Variants in ABCC4 observed in about 807,000 individuals in gnomAD.
ABCC4 encodes the protein ATP-binding cassette sub-family C member 4.
A neutral mutation model predicts 168.5 loss-of-function variants in ABCC4; 102 were observed. The observed-to-expected ratio is 0.61, with a 90% CI of 0.52 to 0.71. The LOEUF (loss-of-function observed/expected upper bound fraction) is 0.71. Ranked by LOEUF, ABCC4 falls within the 30% of genes least tolerant of loss-of-function variation. ABCC4 has a pLI of 0.00. For synonymous variants in ABCC4, 617 were observed against 590.7 expected (o/e 1.04, Z -0.65); for missense variants, 1,402 against 1,605.8 (o/e 0.87, Z 2.17).
intron 3 of ABCC4, 122 bp from the exon 4 acceptor site, chr13:95,234,956 TC>T: frequency 1.4e-6 from 1 of 730,910 alleles, no homozygotes; most frequent in Non-Finnish European, 2.2e-6. Context: ...AGTGGCACAA[TC>T]CCAGCTCACA....
At position 95,021,685 on chromosome 13, in the gene ABCC4, A is replaced by G. The variant is rs9524765; in HGVS notation, c.3871-3T>C. 1,500,791 of 1,533,306 alleles carry G rather than the reference A, an allele frequency of 0.98. 735,693 individuals are homozygous for G. Among genetic ancestry groups the G allele is most frequent in the Non-Finnish European group, 0.99 (1,113,265 of 1,123,866 alleles). 95.0% of individuals were successfully genotyped at this position (1,533,306 alleles called of 1,614,324 possible). On this transcript the variant is annotated splice_polypyrimidine_tract_variant and splice_region_variant and intron_variant, in intron 30 of 30. Coordinates refer to ENST00000645237, the MANE Select transcript of ABCC4 (RefSeq NM_005845.5). ...GGATAATTTCTTTTGAAGTATACCT[A>G]GAAAAAAAAAAGGTAAGCATAAAAA... is the stretch of plus-strand genomic sequence containing the variant.
intron 9 of ABCC4, among the ~76,000 whole-genome samples, chr13:95,191,879 C>T (rs1220380186): frequency 6.6e-6 from 1 of 152,206 alleles, no homozygotes. Flanking sequence ...GTTCTTAGAG[C>T]AGGTTTCTGC....
chr13:95,097,895 AGAGGCTGAGGTGG>A (rs2139365726), intron 20 of ABCC4, among the ~76,000 whole-genome samples: 1 of 152,110 alleles, frequency 6.6e-6, no homozygotes, highest in South Asian at 2.1e-4. Context: ...CAGCACTTTT[AGAGGCTGAGGTGG>A]GAGGCTCACT....
intron 26 of ABCC4, among the ~76,000 whole-genome samples, chr13:95,057,157 T>C (rs1403309099): frequency 6.6e-6 from 1 of 152,200 alleles, no homozygotes; most frequent in African/African-American, 2.4e-5. Flanking sequence ...CTATTCTGTT[T>C]AGGGAAATTA....
In ABCC4 at chr13:95,263,317, C is replaced by T. The variant is rs138080148; in HGVS notation, c.75-15564G>A. On this transcript the variant is annotated intron_variant, in intron 1 of 30. Coordinates refer to ENST00000645237, the MANE Select transcript of ABCC4 (RefSeq NM_005845.5). Reference sequence around the variant, plus strand: ...ATAGGAACCTAACCCTGTATTTCGCCTGGAAGCAATGGTTCAGTATTCACT... The same window carrying T: ...ATAGGAACCTAACCCTGTATTTCGCTTGGAAGCAATGGTTCAGTATTCACT... 8.4e-4 allele frequency among the ~76,000 whole-genome samples: 128 copies of T among 152,212 alleles called. 1 individual carries two copies. The highest frequency in any genetic ancestry group is 2.8e-3 in the African/African-American group (116 of 41,538).
Position 95,086,840 on chromosome 13 carries a change from A to G in ABCC4, c.2536-3550T>C, listed in dbSNP as rs530358236. Among the ~76,000 whole-genome samples the G allele has an allele frequency of 2.6e-5, 4 of 152,288 alleles. No individual in the cohort carries two copies. In the South Asian group the frequency reaches 8.3e-4, roughly 32 times the overall value. On this transcript the variant is annotated intron_variant, in intron 20 of 30. Transcript: ENST00000645237. ...TATTTAATCATGAGGTCACTTAATC[A>G]GTAGATGGTATTTTCATGATTTGTT... is the stretch of plus-strand genomic sequence containing the variant.
intron 27 of ABCC4, 65 bp downstream of exon 27, chr13:95,053,030 C>T (rs71431495): frequency 0.038 from 52,052 of 1,375,082 alleles, 1,209 homozygotes; most frequent in Non-Finnish European, 0.048. Flanking sequence ...TCCTGCAATG[C>T]TGTAAAGGTA....
intron 1 of ABCC4, among the ~76,000 whole-genome samples, chr13:95,299,916 A>C (rs2041631935): frequency 6.6e-6 from 1 of 152,156 alleles, no homozygotes; most frequent in Non-Finnish European, 1.5e-5. Context: ...ATCTCAGCTC[A>C]CTGCAACCTC....
At chr13:95,278,510 A>T (rs1346931661) in intron 1 of ABCC4, among the ~76,000 whole-genome samples, 1 of 152,162 alleles carries the variant, frequency 6.6e-6, no homozygotes, top group Non-Finnish European at 1.5e-5. Context: ...GCCCAGACAG[A>T]GAGGCAAGGG....
intron 9 of ABCC4, among the ~76,000 whole-genome samples, chr13:95,189,576 C>A (rs1020414822): frequency 6.6e-6 from 1 of 152,114 alleles, no homozygotes; most frequent in African/African-American, 2.4e-5. Context: ...GACTTGAAAT[C>A]TCCACTAATC....
intron 20 of ABCC4, among the ~76,000 whole-genome samples, chr13:95,115,715 T>C (rs190004902): frequency 7.7e-4 from 118 of 152,282 alleles, no homozygotes; most frequent in African/African-American, 2.7e-3. Context: ...CGCGACTGTA[T>C]AGCCACTCCC....
chr13:95,167,648 T>C (rs1729768), intron 14 of ABCC4, among the ~76,000 whole-genome samples: 5,998 of 152,224 alleles, frequency 0.039, 388 homozygotes, highest in African/African-American at 0.13. Flanking sequence ...ACACACCTAG[T>C]TTGATAAAAT....
intron 19 of ABCC4, among the ~76,000 whole-genome samples, chr13:95,148,405 C>A (rs918567241): frequency 1.3e-5 from 2 of 151,942 alleles, no homozygotes; most frequent in African/African-American, 4.8e-5. Context: ...GATTTAAATC[C>A]CCTATTAGAA....
intron 27 of ABCC4, among the ~76,000 whole-genome samples, 189 bp downstream of exon 27, chr13:95,052,906 A>C (rs2032899227): frequency 6.6e-6 from 1 of 152,210 alleles, no homozygotes; most frequent in Non-Finnish European, 1.5e-5. Flanking sequence ...GAACCAGGGA[A>C]ATTTTATTTT....
intron 3 of ABCC4, among the ~76,000 whole-genome samples, chr13:95,240,769 G>A (rs1472870397): frequency 1.3e-5 from 2 of 152,076 alleles, no homozygotes; most frequent in African/African-American, 4.8e-5. Flanking sequence ...TCAGGAGTTC[G>A]AGACCAGGCT....
In ABCC4 at chr13:95,218,962, AAAGAAAGAAAGAAAGAAAG is replaced by A. The variant is rs1164280018; in HGVS notation, c.532-8200_532-8182del. ...GAAAGAAAGAAAGAAAGAAAGAAAG[AAAGAAAGAAAGAAAGAAAG>A]AAAGAGTGAGAAAGAAAGAAAGAGT... On this transcript the variant is annotated intron_variant, in intron 4 of 30. Transcript: ENST00000645237. Among the ~76,000 whole-genome samples the A allele has an allele frequency of 2.5e-4, 10 of 40,134 alleles. No homozygotes were observed. In the East Asian group the frequency reaches 3.8e-3, roughly 15 times the overall value. 26.3% of individuals were successfully genotyped at this position (40,134 alleles called of 152,430 possible).
Position 95,104,694 on chromosome 13 carries a change from C to G in ABCC4, c.2535+11228G>C, listed in dbSNP as rs139227154. On this transcript the variant is annotated intron_variant, in intron 20 of 30. Transcript: ENST00000645237. The stretch of plus-strand genomic sequence containing the variant: ...TATTGCCATCACAAAATTACAGTAA[C>G]AAGGATAAGTAGCATGAATACGTTG... Among the ~76,000 whole-genome samples, 243 of 152,234 alleles carry G rather than the reference C, an allele frequency of 1.6e-3. 1 individual carries two copies. The highest frequency in any genetic ancestry group is 5.0e-3 in the African/African-American group (209 of 41,552).
intron 30 of ABCC4, among the ~76,000 whole-genome samples, chr13:95,032,598 A>G (rs565796578): frequency 6.6e-6 from 1 of 152,342 alleles, no homozygotes; most frequent in African/African-American, 2.4e-5. Flanking sequence ...AAGGCAACCT[A>G]GGTTTTATTT....
intron 19 of ABCC4, among the ~76,000 whole-genome samples, chr13:95,116,263 C>T (rs1367985697): frequency 2.0e-5 from 3 of 152,190 alleles, no homozygotes; most frequent in Non-Finnish European, 4.4e-5. Flanking sequence ...AATCTTGTGA[C>T]AGTATCAGGA....
Sources: allele counts gnomAD v4.1 joint callset (sites outside exome capture counted in the v4.1 genomes callset), GRCh38; gene constraint gnomAD v4.1.1; transcripts MANE v1.5; gene names NCBI Gene and HGNC (gene_info 2026-07-23, HGNC 2026-07-21).